The following DAB1 variants were observed in gnomAD, a reference collection of about 807,000 sequenced individuals.
The protein encoded by DAB1 is DAB adaptor protein 1.
Under a neutral mutation model 64.6 loss-of-function variants are expected in DAB1, and 15 were observed. That is an observed-to-expected ratio of 0.23 (90% CI 0.16 to 0.36). DAB1 has a LOEUF of 0.36. Ranked by LOEUF, DAB1 falls within the 10% of genes least tolerant of loss-of-function variation. DAB1 has a pLI of 1.00. For synonymous variants in DAB1, 235 were observed against 251.9 expected, an observed-to-expected ratio of 0.93 and a Z score of 0.64; for missense variants, 596 against 706.7, an observed-to-expected ratio of 0.84 and a Z score of 1.78.
At chr1:58,264,595 T>A (rs551800752) in intron 4 of DAB1, among the ~76,000 whole-genome samples, 1 of 152,350 alleles carries the variant, frequency 6.6e-6, no homozygotes, top group South Asian at 2.1e-4. Flanking sequence ...ATTTGTGTCT[T>A]CAACACATGA....
At chr1:57,549,870 C>G (rs1174047916) in intron 7 of DAB1, among the ~76,000 whole-genome samples, 1 of 151,998 alleles carries the variant, frequency 6.6e-6, no homozygotes, top group Non-Finnish European at 1.5e-5. Flanking sequence ...TTCTAAGTAC[C>G]AGATTTAAAA....
chr1:57,069,310 T>C (rs1297007866), intron 8 of DAB1, 50 bp downstream of exon 8: 1 of 1,402,166 alleles, frequency 7.1e-7, no homozygotes. Context: ...AGTACATTTA[T>C]GCATGTACTA....
rs955238623 is a variant in DAB1, at chr1:57,104,477, T to C, written c.307-32063A>G. 3.9e-5 allele frequency among the ~76,000 whole-genome samples: 6 copies of C among 152,346 alleles called. No individual in the cohort carries two copies. In the South Asian group the frequency reaches 1.2e-3, roughly 32 times the overall value. On this transcript the variant is annotated intron_variant, in intron 4 of 14. Coordinates refer to ENST00000371236, the MANE Select transcript of DAB1 (RefSeq NM_001365792.1). ...AGTAGGTTGACATTTAGAAAAGGTG[T>C]GCTGGGAATTAGGGCAGGGAGGGCT... is the stretch of plus-strand genomic sequence containing the variant.
chr1:58,324,862 C>T (rs190881363), intron 4 of DAB1, among the ~76,000 whole-genome samples: 41 of 152,300 alleles, frequency 2.7e-4, no homozygotes, highest in African/African-American at 9.6e-4. Context: ...CAAAAAGAAA[C>T]TACAGGAGCA....
chr1:57,110,639 T>C (rs1655570867), intron 4 of DAB1, among the ~76,000 whole-genome samples: 1 of 152,212 alleles, frequency 6.6e-6, no homozygotes, highest in African/African-American at 2.4e-5. Flanking sequence ...GATACACAGT[T>C]CCTGCTCTCA....
intron 2 of DAB1, among the ~76,000 whole-genome samples, chr1:57,263,241 G>C (rs554394651): frequency 5.3e-5 from 8 of 151,982 alleles, no homozygotes; most frequent in African/African-American, 1.9e-4. Context: ...TCAGTCACCT[G>C]AGTAGCTGGG....
intron 4 of DAB1, among the ~76,000 whole-genome samples, chr1:58,185,165 C>A (rs546493509): frequency 6.6e-6 from 1 of 152,154 alleles, no homozygotes; most frequent in African/African-American, 2.4e-5. Flanking sequence ...TCTACTCAAT[C>A]GGCATATTCT....
At chr1:58,317,163 T>C (rs1477598122) in intron 4 of DAB1, among the ~76,000 whole-genome samples, 1 of 152,242 alleles carries the variant, frequency 6.6e-6, no homozygotes, top group Non-Finnish European at 1.5e-5. Context: ...TTAAGTTGAA[T>C]GCATCCTTAG....
At chr1:58,521,829 G>A (rs186361876) in intron 2 of DAB1, among the ~76,000 whole-genome samples, 4 of 152,098 alleles carry the variant, frequency 2.6e-5, no homozygotes, top group South Asian at 2.1e-4. Flanking sequence ...TTCTCCAAAC[G>A]TTTAAAAAAT....
chr1:58,198,519 T>C (rs973085703), intron 4 of DAB1, among the ~76,000 whole-genome samples: 1 of 152,234 alleles, frequency 6.6e-6, no homozygotes, highest in African/African-American at 2.4e-5. Context: ...AAAAGGTCAT[T>C]ACATATTGGC....
At chr1:58,293,742 T>C (rs558327761) in intron 4 of DAB1, among the ~76,000 whole-genome samples, 2 of 152,192 alleles carry the variant, frequency 1.3e-5, no homozygotes, top group Admixed American at 6.5e-5. Context: ...GCAGAAGCCA[T>C]AAGCCCCTTC....
chr1:57,971,946 T>A (rs956088659), intron 5 of DAB1, among the ~76,000 whole-genome samples: 3 of 152,196 alleles, frequency 2.0e-5, no homozygotes, highest in African/African-American at 7.2e-5. Flanking sequence ...AATTGTGGGC[T>A]ACAGATCCCC....
chr1:57,070,854 T>G (rs1245359781), intron 7 of DAB1, 169 bp downstream of exon 7: 1 of 673,226 alleles, frequency 1.5e-6, no homozygotes, highest in African/African-American at 1.8e-5. Context: ...TTCTGTTAGT[T>G]TTTATGGAAA....
intron 5 of DAB1, among the ~76,000 whole-genome samples, chr1:58,014,233 A>C (rs1646708524): frequency 6.6e-6 from 1 of 152,216 alleles, no homozygotes. Context: ...CTATTGTGTC[A>C]TTAAATAAAA....
At chr1:58,369,914 A>G (rs1187377849) in intron 3 of DAB1, among the ~76,000 whole-genome samples, 1 of 152,236 alleles carries the variant, frequency 6.6e-6, no homozygotes, top group South Asian at 2.1e-4. Context: ...CATGTCAAGT[A>G]CCATAAAAAA....
At chr1:57,674,118 G>A (rs1646538795) in intron 6 of DAB1, among the ~76,000 whole-genome samples, 1 of 152,198 alleles carries the variant, frequency 6.6e-6, no homozygotes, top group African/African-American at 2.4e-5. Context: ...TTTAAATTAT[G>A]TGTGTGTTGG....
chr1:58,539,654 A>G (rs774874408), intron 1 of DAB1, among the ~76,000 whole-genome samples: 2 of 152,208 alleles, frequency 1.3e-5, no homozygotes, highest in Non-Finnish European at 2.9e-5. Context: ...TCAGTTTGCA[A>G]TAACTGGAAG....
intron 3 of DAB1, among the ~76,000 whole-genome samples, chr1:58,499,443 C>A (rs1384093410): frequency 2.0e-5 from 3 of 146,456 alleles, no homozygotes. Flanking sequence ...TATGATTCCA[C>A]CACTGCACTC....
chr1:57,260,486 A>G (rs197637), intron 2 of DAB1, among the ~76,000 whole-genome samples: 99,871 of 152,030 alleles, frequency 0.66, 33,016 homozygotes, highest in East Asian at 0.85. Flanking sequence ...GCAGTGAAAC[A>G]TAGAGCCACA....
Sources: allele counts gnomAD v4.1 joint callset (sites outside exome capture counted in the v4.1 genomes callset), GRCh38; gene constraint gnomAD v4.1.1; transcripts MANE v1.5; gene names NCBI Gene and HGNC (gene_info 2026-07-23, HGNC 2026-07-21).